The following PPHLN1 variants were observed in gnomAD, a reference collection of about 807,000 sequenced individuals.
PPHLN1 encodes the protein periphilin-1.
Under a neutral mutation model 51.3 loss-of-function variants are expected in PPHLN1, and 29 were observed. The ratio of observed to expected loss-of-function variants is 0.57; its 90% CI spans 0.42 to 0.77. The LOEUF (loss-of-function observed/expected upper bound fraction) is 0.77. Among genes scored for constraint, PPHLN1 ranks in the 30% least tolerant of loss-of-function variants. PPHLN1 has a pLI of 0.00. For synonymous variants in PPHLN1, 147 were observed against 147.8 expected (o/e 0.99, Z 0.04); for missense variants, 436 against 438.4 (o/e 0.99, Z 0.05).
chr12:42,422,515 G>A (rs765241003), intron 9 of PPHLN1, among the ~76,000 whole-genome samples: 3 of 152,132 alleles, frequency 2.0e-5, no homozygotes, highest in Non-Finnish European at 4.4e-5. Context: ...CAAATGTTCA[G>A]CACTGCTAAA....
At chr12:42,428,016 T>G (rs529493293) in intron 9 of PPHLN1, among the ~76,000 whole-genome samples, 1 of 152,140 alleles carries the variant, frequency 6.6e-6, no homozygotes, top group South Asian at 2.1e-4. Context: ...ATGCTCAACA[T>G]CACTAATGAT....
At chr12:42,397,762 T>G (rs2078390378) in intron 8 of PPHLN1, among the ~76,000 whole-genome samples, 2 of 152,090 alleles carry the variant, frequency 1.3e-5, no homozygotes, top group South Asian at 4.1e-4. Context: ...TTTGAGACAG[T>G]GTCTGGCTCT....
chr12:42,366,918 A>G (rs545046056), intron 4 of PPHLN1, among the ~76,000 whole-genome samples: 5 of 152,304 alleles, frequency 3.3e-5, no homozygotes, highest in African/African-American at 9.6e-5. Flanking sequence ...AGGACTGCAA[A>G]TATGACTGTC....
chr12:42,438,979 C>G (rs1238719020), intron 9 of PPHLN1, among the ~76,000 whole-genome samples: 2 of 152,304 alleles, frequency 1.3e-5, no homozygotes, highest in South Asian at 2.1e-4. Context: ...AAGATTTTCT[C>G]CGAGTCTGTA....
intron 4 of PPHLN1, among the ~76,000 whole-genome samples, chr12:42,364,101 G>A (rs925259083): frequency 1.3e-5 from 2 of 152,114 alleles, no homozygotes; most frequent in Non-Finnish European, 2.9e-5. Context: ...GCACGTGCCT[G>A]TAGTCCCAGC....
chr12:42,432,129 T>A, intron 9 of PPHLN1: 1 of 1,256,432 alleles, frequency 8.0e-7, no homozygotes, highest in South Asian at 1.2e-5. Flanking sequence ...TCTCCTGCTG[T>A]CACGCTGATG....
At chr12:42,389,061 G>A (rs2077441540) in intron 7 of PPHLN1, among the ~76,000 whole-genome samples, 1 of 151,994 alleles carries the variant, frequency 6.6e-6, no homozygotes, top group Non-Finnish European at 1.5e-5. Flanking sequence ...ACACAGTGAA[G>A]CCGTGTCTCT....
At position 42,372,091 on chromosome 12, in the gene PPHLN1, A is replaced by G. The variant is rs1028751524; in HGVS notation, c.300-2772A>G. Among the ~76,000 whole-genome samples, 7 of 152,160 alleles carry G rather than the reference A, an allele frequency of 4.6e-5. No individual in the cohort carries two copies. The East Asian group carries it at 1.2e-3, about 25-fold the overall frequency. On this transcript the variant is annotated intron_variant, in intron 4 of 9. Transcript: ENST00000358314. ...TTCTTCAAAGCAAGAGTAATTCCCT[A>G]TAGTGCTGTTCATATGGTGGACACT...
intron 9 of PPHLN1, among the ~76,000 whole-genome samples, chr12:42,404,684 C>T (rs1240469038): frequency 6.6e-6 from 1 of 152,118 alleles, no homozygotes; most frequent in Admixed American, 6.6e-5. Context: ...TTCCTTTTCC[C>T]CACCTCCTTC....
intron 5 of PPHLN1, among the ~76,000 whole-genome samples, chr12:42,384,336 T>C (rs1005745087): frequency 6.6e-6 from 1 of 152,068 alleles, no homozygotes; most frequent in Admixed American, 6.5e-5. Context: ...ACTGGAAAAA[T>C]ACCTGGGAGC....
intron 8 of PPHLN1, among the ~76,000 whole-genome samples, chr12:42,397,933 A>G (rs930134271): frequency 6.7e-6 from 1 of 149,974 alleles, no homozygotes; most frequent in Non-Finnish European, 1.5e-5. Flanking sequence ...CATGTTGGCC[A>G]GTATGGTCTT....
intron 5 of PPHLN1, among the ~76,000 whole-genome samples, chr12:42,379,661 G>C (rs1227625970): frequency 6.6e-6 from 1 of 151,880 alleles, no homozygotes; most frequent in Non-Finnish European, 1.5e-5. Flanking sequence ...TAAACAAAAT[G>C]CCTCTTAGGC....
chr12:42,433,260 T>A, intron 9 of PPHLN1: 1 of 693,088 alleles, frequency 1.4e-6, no homozygotes, highest in Non-Finnish European at 2.7e-6. Context: ...TTCACTAATT[T>A]ATTTTTTTAT....
intron 4 of PPHLN1, chr12:42,355,512 A>G: frequency 1.2e-5 from 3 of 247,482 alleles, no homozygotes; most frequent in Non-Finnish European, 2.3e-5. Context: ...CAAGGCGGGC[A>G]AATCACTTGA....
At chr12:42,411,527 T>C (rs574911236) in intron 9 of PPHLN1, among the ~76,000 whole-genome samples, 1 of 152,268 alleles carries the variant, frequency 6.6e-6, no homozygotes, top group African/African-American at 2.4e-5. Flanking sequence ...CAAAAGAAAC[T>C]GTTTTAAGGA....
chr12:42,437,137 C>A (rs1004042661), intron 9 of PPHLN1, among the ~76,000 whole-genome samples: 1 of 152,192 alleles, frequency 6.6e-6, no homozygotes, highest in African/African-American at 2.4e-5. Context: ...GTCTAAGCTC[C>A]TTGAAGGAGC....
intron 9 of PPHLN1, among the ~76,000 whole-genome samples, chr12:42,424,310 T>C (rs1252042459): frequency 6.6e-6 from 1 of 152,182 alleles, no homozygotes; most frequent in Non-Finnish European, 1.5e-5. Context: ...GGGTTTCTCA[T>C]GTAACAGGAC....
At chr12:42,333,894 ATCT>A (rs1422744158) in intron 1 of PPHLN1, among the ~76,000 whole-genome samples, 2 of 152,148 alleles carry the variant, frequency 1.3e-5, no homozygotes, top group African/African-American at 2.4e-5. Flanking sequence ...TTTGGTTTTC[ATCT>A]TCTTTATTTT....
At chr12:42,427,423 C>T (rs1409908520) in intron 9 of PPHLN1, among the ~76,000 whole-genome samples, 1 of 152,144 alleles carries the variant, frequency 6.6e-6, no homozygotes, top group Non-Finnish European at 1.5e-5. Flanking sequence ...AAAACAAGCA[C>T]ATAGATCAAT....
Sources: allele counts gnomAD v4.1 joint callset (sites outside exome capture counted in the v4.1 genomes callset), GRCh38; gene constraint gnomAD v4.1.1; transcripts MANE v1.5; gene names NCBI Gene and HGNC (gene_info 2026-07-23, HGNC 2026-07-21).